MAD1L1: variants seen among roughly 807,000 people sequenced by gnomAD.
MAD1L1 encodes mitotic spindle assembly checkpoint protein MAD1.
MAD1L1 carries 95 observed loss-of-function variants against 96.9 expected under a neutral mutation model. That is an observed-to-expected ratio of 0.98 (90% CI 0.83 to 1.16). The LOEUF (loss-of-function observed/expected upper bound fraction) is 1.16. MAD1L1 is among the 50% of genes most tolerant of loss of function. The pLI, the probability that MAD1L1 is intolerant of heterozygous loss-of-function variation, is 0.00. For missense variants in MAD1L1, 1,007 were observed against 954.4 expected, an observed-to-expected ratio of 1.06 and a Z score of -0.73; for synonymous variants, 473 against 396.6, an observed-to-expected ratio of 1.19 and a Z score of -2.29.
intron 12 of MAD1L1, among the ~76,000 whole-genome samples, chr7:2,028,889 G>C (rs1783099155): frequency 6.6e-6 from 1 of 152,036 alleles, no homozygotes; most frequent in Non-Finnish European, 1.5e-5. Context: ...AAAAAAATAA[G>C]GCTTCACACA....
chr7:2,129,882 C>G (rs1584392565), intron 11 of MAD1L1, among the ~76,000 whole-genome samples: 1 of 152,330 alleles, frequency 6.6e-6, no homozygotes, highest in South Asian at 2.1e-4. Context: ...GCTGGGTCAG[C>G]AGGTGCAGAC....
rs752707543 is a variant in MAD1L1 at position 1,936,915 on chromosome 7, G to A, written c.1597-18C>T. On this transcript the variant is annotated intron_variant, in intron 16 of 18. Transcript: ENST00000265854. ...TAGTCACCCTGCAGGAACACACACAGCACAGGTCACCATGGCCCAGGCACA... is the reference window on the plus strand; with the variant it reads ...TAGTCACCCTGCAGGAACACACACAACACAGGTCACCATGGCCCAGGCACA... The A allele has an allele frequency of 2.6e-6, 4 of 1,565,390 alleles. No individual in the cohort carries two copies. The highest frequency in any genetic ancestry group is 1.2e-5 in the South Asian group (1 of 85,584).
chr7:1,968,146 C>T lies in MAD1L1; in HGVS notation c.1506-10427G>A, dbSNP rs894411699. On this transcript the variant is annotated intron_variant, in intron 15 of 18. Transcript: ENST00000265854. This position sits in a 1 kb window ranked among gnomAD's most constrained non-coding sequence, Gnocchi z 5.6. ...GAGGGATTCGCTTCCAAGGAAGAGACTGGAGAAAGTGCAAACAGCTTCGCG... is the reference window on the plus strand; with the variant it reads ...GAGGGATTCGCTTCCAAGGAAGAGATTGGAGAAAGTGCAAACAGCTTCGCG... Among the ~76,000 whole-genome samples, 1 of 152,250 alleles carries T rather than the reference C, an allele frequency of 6.6e-6. No homozygotes were observed. Among genetic ancestry groups the T allele is most frequent in the African/African-American group, 2.4e-5 (1 of 41,470 alleles).
chr7:1,847,631 C>G (rs1004438499), intron 18 of MAD1L1: 2 of 470,642 alleles, frequency 4.2e-6, no homozygotes, highest in African/African-American at 4.0e-5. Context: ...CAGGCCTCGC[C>G]CCCTCCAGCA....
chr7:2,098,062 G>A (rs182644075), intron 11 of MAD1L1, among the ~76,000 whole-genome samples: 7 of 152,292 alleles, frequency 4.6e-5, no homozygotes, highest in Admixed American at 6.5e-5. Context: ...CTCATGCGGC[G>A]GCTCCATGCC....
At chr7:1,884,250 C>A (rs1035056377) in intron 18 of MAD1L1, among the ~76,000 whole-genome samples, 28 of 152,216 alleles carry the variant, frequency 1.8e-4, no homozygotes, top group African/African-American at 6.5e-4. Context: ...TGGCCACCCA[C>A]CCTCACACCT....
In MAD1L1 at chr7:2,221,884, C is replaced by T. The variant is rs534150799; in HGVS notation, c.471+691G>A. Among the ~76,000 whole-genome samples the T allele has an allele frequency of 2.0e-4, 31 of 152,226 alleles. 1 individual carries two copies. Among genetic ancestry groups the T allele is most frequent in the Admixed American group, 1.5e-3 (23 of 15,286 alleles). On this transcript the variant is annotated intron_variant, in intron 5 of 18. Transcript: ENST00000265854. The stretch of plus-strand genomic sequence containing the variant: ...CTCTGAGCACAACGGCTGCAGAGAC[C>T]GCCATCGCTAGGGACCTTATAACCC...
At chr7:2,009,677 TCA>T (rs1420533316) in intron 13 of MAD1L1, among the ~76,000 whole-genome samples, 3 of 152,088 alleles carry the variant, frequency 2.0e-5, no homozygotes, top group African/African-American at 7.2e-5. Context: ...CAGTGCACGG[TCA>T]GGGGCTCCAC....
chr7:1,865,919 T>A (rs903623656), intron 18 of MAD1L1, among the ~76,000 whole-genome samples: 1 of 152,170 alleles, frequency 6.6e-6, no homozygotes, highest in African/African-American at 2.4e-5. Context: ...GGGGAAGCCC[T>A]GGACAAGCCT....
intron 11 of MAD1L1, among the ~76,000 whole-genome samples, chr7:2,089,716 C>T (rs180835260): frequency 6.8e-6 from 1 of 147,626 alleles, no homozygotes; most frequent in Non-Finnish European, 1.5e-5. Flanking sequence ...ACACTTCCAA[C>T]ACCTGTCCCC....
At chr7:1,826,299 GGA>G (rs1406205171) in intron 18 of MAD1L1, among the ~76,000 whole-genome samples, 1 of 152,022 alleles carries the variant, frequency 6.6e-6, no homozygotes, top group Non-Finnish European at 1.5e-5. Context: ...CTCTGAGGAG[GGA>G]GAGAGCAAGC....
intron 10 of MAD1L1, among the ~76,000 whole-genome samples, chr7:2,163,026 C>G (rs1293134242): frequency 1.3e-5 from 2 of 152,222 alleles, no homozygotes; most frequent in Non-Finnish European, 2.9e-5. Flanking sequence ...AATTTTTTAG[C>G]AATTTTCCTT....
intron 10 of MAD1L1, among the ~76,000 whole-genome samples, chr7:2,159,787 A>G (rs1310344338): frequency 2.0e-5 from 3 of 152,196 alleles, no homozygotes; most frequent in Non-Finnish European, 4.4e-5. Context: ...GTGTAAGAGG[A>G]AAAAAACACA....
At chr7:1,953,421 C>A (rs547425506) in intron 16 of MAD1L1, among the ~76,000 whole-genome samples, 2 of 152,168 alleles carry the variant, frequency 1.3e-5, no homozygotes, top group African/African-American at 2.4e-5. Context: ...GCAGGTGGGG[C>A]GGGGAGGGAG....
intron 11 of MAD1L1, among the ~76,000 whole-genome samples, chr7:2,078,539 T>C (rs983455691): frequency 6.6e-6 from 1 of 152,214 alleles, no homozygotes. Context: ...ATGCTTCTCA[T>C]CTACCCAGGA....
chr7:2,153,587 G>C (rs1789684284), intron 10 of MAD1L1, among the ~76,000 whole-genome samples: 1 of 152,190 alleles, frequency 6.6e-6, no homozygotes, highest in Non-Finnish European at 1.5e-5. Context: ...GGAACTCTCA[G>C]CTGCTGTTGG....
intron 11 of MAD1L1, among the ~76,000 whole-genome samples, chr7:2,130,950 C>G (rs936308552): frequency 1.3e-5 from 2 of 152,232 alleles, no homozygotes; most frequent in South Asian, 4.1e-4. Context: ...ATCTGCTAAG[C>G]TTCCCTAAAC....
chr7:1,881,322 A>C (rs1246408964), intron 18 of MAD1L1, among the ~76,000 whole-genome samples: 1 of 152,196 alleles, frequency 6.6e-6, no homozygotes, highest in African/African-American at 2.4e-5. Context: ...CTGGTGTTCA[A>C]GGTCATCGCC....
At chr7:1,961,596 A>G (rs1052799443) in intron 15 of MAD1L1, among the ~76,000 whole-genome samples, 1 of 152,286 alleles carries the variant, frequency 6.6e-6, no homozygotes, top group Non-Finnish European at 1.5e-5. Flanking sequence ...CAAAAGTTAC[A>G]AAGTTATTAA....
Sources: gnomAD v4.1 joint callset for allele counts (sites outside exome capture counted in the v4.1 genomes callset) on GRCh38, gnomAD v4.1.1 for gene constraint, Gnocchi (gnomAD v3.1) non-coding constraint, MANE v1.5 for transcripts, NCBI Gene and HGNC (gene_info 2026-07-23, HGNC 2026-07-21) for gene names.